The following CD46 variants were observed in gnomAD, a reference collection of about 807,000 sequenced individuals.
CD46 encodes the protein membrane cofactor protein.
A neutral mutation model predicts 53.3 loss-of-function variants in CD46; 30 were observed. The observed-to-expected ratio is 0.56, with a 90% CI of 0.42 to 0.76. CD46 has a LOEUF of 0.76. CD46 is among the 30% of genes least tolerant of loss of function. CD46 has a pLI of 0.00. For synonymous variants in CD46, 142 were observed against 152.0 expected (o/e 0.93, Z 0.48); for missense variants, 409 against 463.0 (o/e 0.88, Z 1.07).
At chr1:207,769,465 G>A (rs1657229867) in intron 7 of CD46, 1 of 152,124 alleles carries the variant, frequency 6.6e-6, no homozygotes, top group East Asian at 1.9e-4. Context: ...CTAATACTAC[G>A]TTTGTTGATA....
intron 8 of CD46, among the ~76,000 whole-genome samples, chr1:207,781,462 T>G (rs1658727777): frequency 6.6e-6 from 1 of 152,194 alleles, no homozygotes; most frequent in Non-Finnish European, 1.5e-5. Flanking sequence ...TTTTTTCTTG[T>G]CTTGCCTGGG....
chr1:207,783,464 T>A (rs1658981186), intron 9 of CD46, 134 bp downstream of exon 9: 1 of 621,254 alleles, frequency 1.6e-6, no homozygotes, highest in Admixed American at 2.4e-5. Context: ...TGTTTGTATG[T>A]AGGTTAAAAT....
At chr1:207,756,292 TAA>T (rs1655526678) in intron 1 of CD46, among the ~76,000 whole-genome samples, 1 of 152,054 alleles carries the variant, frequency 6.6e-6, no homozygotes, top group Non-Finnish European at 1.5e-5. Flanking sequence ...ACAGGGTGAG[TAA>T]TTCTGAAAAG....
intron 2 of CD46, 89 bp downstream of exon 2, chr1:207,757,291 TTTC>T (rs1489458377): frequency 8.4e-7 from 1 of 1,193,594 alleles, no homozygotes; most frequent in Non-Finnish European, 1.2e-6. Flanking sequence ...TGATGATGAT[TTTC>T]TTCTTGTAAA....
intron 1 of CD46, among the ~76,000 whole-genome samples, chr1:207,755,690 T>C (rs1451942484): frequency 6.6e-6 from 1 of 152,184 alleles, no homozygotes; most frequent in Non-Finnish European, 1.5e-5. Context: ...GCGTCTCAGT[T>C]TCCTTACTGG....
At position 207,752,295 on chromosome 1, in the gene CD46, T is replaced by C; in HGVS notation, c.83T>C (p.Leu28Pro). The stretch of plus-strand genomic sequence containing the variant: ...CTTCTGGCGGCCATGGTGTTGCTGC[T>C]GTACTCCTTCTCCGGTAGGACCCCG... ...GLLLAAMVLL[L>P]YSFSDACEEP... The change falls in exon 1 of 13, where the codon CTG becomes CCG. Residue 28 changes from leucine (L) to proline (P), a missense_variant. Transcript: ENST00000367042. This position sits in a 1 kb window ranked among gnomAD's most constrained non-coding sequence, Gnocchi z 4.1. 6.2e-7 allele frequency: 1 copy of C among 1,614,092 alleles called. No homozygotes were observed. Among genetic ancestry groups the C allele is most frequent in the Non-Finnish European group, 8.5e-7 (1 of 1,179,974 alleles).
intron 8 of CD46, among the ~76,000 whole-genome samples, chr1:207,777,032 A>G (rs558000191): frequency 6.6e-6 from 1 of 152,228 alleles, no homozygotes; most frequent in East Asian, 1.9e-4. Context: ...GGTTTCTAAA[A>G]TATTTTTCTT....
rs1305776028 is a variant in CD46, at chr1:207,794,794, G to GC, written c.*1318dup. On this transcript the variant is annotated 3_prime_UTR_variant, in exon 13 of 13. Transcript: ENST00000367042. ...CAAGCAGTTTCTTTCAAAGAAGCCAGCAGGCGAAAAGCAGGGACTGCCACT... is the reference window on the plus strand; with the variant it reads ...CAAGCAGTTTCTTTCAAAGAAGCCAGCCAGGCGAAAAGCAGGGACTGCCACT... 1 of 152,224 alleles carries GC rather than the reference G, an allele frequency of 6.6e-6. No individual in the cohort carries two copies. Among genetic ancestry groups the GC allele is most frequent in the Non-Finnish European group, 1.5e-5 (1 of 68,040 alleles). 9.4% of individuals were successfully genotyped at this position (152,224 alleles called of 1,614,324 possible).
chr1:207,785,852 G>A, intron 11 of CD46, 170 bp downstream of exon 11: 1 of 586,926 alleles, frequency 1.7e-6, no homozygotes, highest in East Asian at 3.0e-5. Context: ...AATATTTTCA[G>A]CTACTTCTAA....
chr1:207,774,033 C>T (rs550539527), intron 8 of CD46, among the ~76,000 whole-genome samples: 1 of 152,228 alleles, frequency 6.6e-6, no homozygotes, highest in South Asian at 2.1e-4. Context: ...CTTTGTAGGT[C>T]TCTAAGGCCT....
chr1:207,793,645 C>A lies in CD46; in HGVS notation c.*168C>A. The A allele has an allele frequency of 7.1e-7, 1 of 1,404,046 alleles. No homozygotes were observed. The highest frequency in any genetic ancestry group is 1.0e-6 in the Non-Finnish European group (1 of 989,968). The allele number at this position is 1,404,046 out of a possible 1,614,324, so 87.0% of individuals were successfully genotyped here. A position where few individuals can be genotyped will look rare whatever the true frequency, so the allele number is the denominator to read the frequency against. On this transcript the variant is annotated 3_prime_UTR_variant, in exon 13 of 13. Transcript: ENST00000367042. ...CATCTTTTGACTCTATTAAAATCTT[C>A]AATAGTTGTTATTCTGTAGTTTCAC...
At position 207,794,639 on chromosome 1, in the gene CD46, A is replaced by G. The variant is rs1660090059; in HGVS notation, c.*1162A>G. On this transcript the variant is annotated 3_prime_UTR_variant, in exon 13 of 13. Transcript: ENST00000367042. ...TAAAAGGCAGAGTACAAAGTAAGCC[A>G]TGTATCTCAGGAAGGTAACTTCATT... 1 of 152,236 alleles carries G rather than the reference A, an allele frequency of 6.6e-6. No homozygotes were observed. Among genetic ancestry groups the G allele is most frequent in the South Asian group, 2.1e-4 (1 of 4,826 alleles). The allele number at this position is 152,236 out of a possible 1,614,324, so 9.4% of individuals were successfully genotyped here.
At chr1:207,785,160 T>A in intron 10 of CD46, 54 bp downstream of exon 10, 1 of 1,337,324 alleles carries the variant, frequency 7.5e-7, no homozygotes. Flanking sequence ...TGTGAAGACA[T>A]GCATTTTAAA....
chr1:207,763,846 T>TG (rs987471886), intron 5 of CD46, among the ~76,000 whole-genome samples: 1 of 97,504 alleles, frequency 1.0e-5, no homozygotes, highest in Admixed American at 9.4e-5. Flanking sequence ...TATGATTTTT[T>TG]GGTTTTTTTT....
chr1:207,755,652 G>A (rs1039886011), intron 1 of CD46, among the ~76,000 whole-genome samples: 1 of 152,162 alleles, frequency 6.6e-6, no homozygotes. Flanking sequence ...AGTGAAAGAA[G>A]CCAAGATCAG....
intron 1 of CD46, among the ~76,000 whole-genome samples, chr1:207,753,823 T>A (rs1056402032): frequency 6.6e-6 from 1 of 152,240 alleles, no homozygotes; most frequent in African/African-American, 2.4e-5. Context: ...AAATTATATT[T>A]AGGATCCAAT....
At chr1:207,779,913 C>CTTTTTTTTTTTTTTTTT (rs66758503) in intron 8 of CD46, among the ~76,000 whole-genome samples, 839 of 62,246 alleles carry the variant, frequency 0.013, 135 homozygotes, top group African/African-American at 0.019. Context: ...AAAAGCAAGT[C>CTTTTTTTTTTTTTTTTT]TTTTTTTTTT....
intron 7 of CD46, chr1:207,768,513 CT>C (rs1231805251): frequency 2.6e-5 from 4 of 152,168 alleles, no homozygotes; most frequent in Non-Finnish European, 5.9e-5. Context: ...TCTTCCACAC[CT>C]CATAATGTTA....
intron 5 of CD46, among the ~76,000 whole-genome samples, chr1:207,764,335 AAATT>A (rs1358989387): frequency 6.6e-6 from 1 of 152,232 alleles, no homozygotes; most frequent in Non-Finnish European, 1.5e-5. Context: ...ACCTAAGGTT[AAATT>A]TAAGTCTAGA....
Sources: gnomAD v4.1 joint callset for allele counts (sites outside exome capture counted in the v4.1 genomes callset) on GRCh38, gnomAD v4.1.1 for gene constraint, Gnocchi (gnomAD v3.1) non-coding constraint, MANE v1.5 for transcripts, NCBI Gene and HGNC (gene_info 2026-07-23, HGNC 2026-07-21) for gene names.